The following ADAMTS18 variants were observed in gnomAD, a reference collection of about 807,000 sequenced individuals.
ADAMTS18 encodes ADAM metallopeptidase with thrombospondin type 1 motif 18.
Under a neutral mutation model 165.9 loss-of-function variants are expected in ADAMTS18, and 157 were observed. That is an observed-to-expected ratio of 0.95 (90% CI 0.83 to 1.08). ADAMTS18 has a LOEUF of 1.08. Among genes scored for constraint, ADAMTS18 ranks in the 50% least tolerant of loss-of-function variants. ADAMTS18 has a pLI of 0.00. For synonymous variants in ADAMTS18, 782 were observed against 578.2 expected, an observed-to-expected ratio of 1.35 and a Z score of -5.06; for missense variants, 2,040 against 1,534.0, an observed-to-expected ratio of 1.33 and a Z score of -5.51.
At chr16:77,326,150 A>G (rs1312593446) in intron 12 of ADAMTS18, 112 bp from the exon 13 acceptor site, 1 of 1,000,500 alleles carries the variant, frequency 1.0e-6, no homozygotes, top group Non-Finnish European at 1.5e-6. Flanking sequence ...AGTGTATGCA[A>G]AGGCATACAG....
intron 12 of ADAMTS18, among the ~76,000 whole-genome samples, chr16:77,333,141 C>T (rs1425538158): frequency 2.0e-5 from 3 of 152,108 alleles, no homozygotes; most frequent in Admixed American, 6.6e-5. Flanking sequence ...ATCACAGTCC[C>T]GTAGAGAATG....
chr16:77,343,424 G>T (rs1406400739), intron 10 of ADAMTS18, among the ~76,000 whole-genome samples: 1 of 152,204 alleles, frequency 6.6e-6, no homozygotes, highest in Non-Finnish European at 1.5e-5. Context: ...GATAATAAAT[G>T]TGTGTTGCCT....
chr16:77,379,760 G>C (rs897728548), intron 3 of ADAMTS18, among the ~76,000 whole-genome samples: 2 of 152,134 alleles, frequency 1.3e-5, no homozygotes, highest in Non-Finnish European at 2.9e-5. Flanking sequence ...CAAAGTACTG[G>C]CATTAAAGGT....
chr16:77,328,574 T>C (rs558741007), intron 12 of ADAMTS18, among the ~76,000 whole-genome samples: 3 of 152,310 alleles, frequency 2.0e-5, no homozygotes, highest in South Asian at 2.1e-4. Context: ...GCTGCAGCCA[T>C]TGTGATAAAT....
chr16:77,292,285 C>A (rs1033446980), intron 20 of ADAMTS18, among the ~76,000 whole-genome samples: 1 of 152,142 alleles, frequency 6.6e-6, no homozygotes, highest in African/African-American at 2.4e-5. Context: ...CAGAGCAAGA[C>A]CCTGTCTCAA....
intron 12 of ADAMTS18, among the ~76,000 whole-genome samples, chr16:77,333,915 AT>A (rs2056233333): frequency 2.8e-5 from 4 of 145,074 alleles, no homozygotes; most frequent in African/African-American, 1.0e-4. Flanking sequence ...ATAGTGTCCT[AT>A]ATACTAAATA....
At chr16:77,295,266 C>G (rs973629538) in intron 18 of ADAMTS18, 139 bp from the exon 19 acceptor site, 8 of 864,898 alleles carry the variant, frequency 9.2e-6, no homozygotes, top group African/African-American at 6.6e-5. Flanking sequence ...TCTAATTGTT[C>G]TTTGAGGGAT....
intron 3 of ADAMTS18, among the ~76,000 whole-genome samples, chr16:77,423,143 C>G (rs1291481491): frequency 1.3e-5 from 2 of 152,192 alleles, no homozygotes; most frequent in Non-Finnish European, 2.9e-5. Flanking sequence ...AAAAAATATC[C>G]TACACCTCAG....
intron 9 of ADAMTS18, among the ~76,000 whole-genome samples, chr16:77,355,230 G>GTGTGTGTGTGTA (rs2056611870): frequency 6.6e-6 from 1 of 151,544 alleles, no homozygotes; most frequent in Non-Finnish European, 1.5e-5. Context: ...GTGTGTGTGT[G>GTGTGTGTGTGTA]TGTATTTCAA....
rs373705923 is a variant in ADAMTS18 at position 77,282,941 on chromosome 16, C to G, written c.*1015G>C. Reference sequence around the variant, plus strand: ...TTTTTTTTTTTGCTGTTAGCTCAATCCTAGGGCAAATTTAAACGTATCAGT... The same window carrying G: ...TTTTTTTTTTTGCTGTTAGCTCAATGCTAGGGCAAATTTAAACGTATCAGT... On this transcript the variant is annotated 3_prime_UTR_variant, in exon 23 of 23. Coordinates refer to ENST00000282849, the MANE Select transcript of ADAMTS18 (RefSeq NM_199355.4). 1.6e-4 allele frequency: 19 copies of G among 117,032 alleles called. No homozygotes were observed. In the East Asian group the frequency reaches 4.6e-3, roughly 28 times the overall value. The allele number at this position is 117,032 out of a possible 1,614,324, so 7.2% of individuals were successfully genotyped here.
intron 2 of ADAMTS18, among the ~76,000 whole-genome samples, chr16:77,432,020 C>T (rs1055215262): frequency 2.0e-5 from 3 of 152,076 alleles, no homozygotes; most frequent in South Asian, 4.1e-4. Context: ...ACTACAAAAT[C>T]GGGAAATTTC....
chr16:77,343,070 C>CTT (rs1241991363), intron 10 of ADAMTS18, among the ~76,000 whole-genome samples: 1 of 135,302 alleles, frequency 7.4e-6, no homozygotes, highest in East Asian at 2.7e-4. Context: ...TTAGACCTTA[C>CTT]TTTCTTTTTT....
chr16:77,354,770 T>C (rs1325665214), intron 9 of ADAMTS18, among the ~76,000 whole-genome samples: 1 of 152,246 alleles, frequency 6.6e-6, no homozygotes, highest in African/African-American at 2.4e-5. Flanking sequence ...GCTGCTGTTA[T>C]CATTATTATA....
At chr16:77,433,142 G>A (rs1441415828) in intron 2 of ADAMTS18, among the ~76,000 whole-genome samples, 1 of 152,160 alleles carries the variant, frequency 6.6e-6, no homozygotes, top group Non-Finnish European at 1.5e-5. Context: ...TCTTGATTAT[G>A]TGCAATTTCT....
At chr16:77,346,237 T>C (rs1321098554) in intron 10 of ADAMTS18, among the ~76,000 whole-genome samples, 3 of 152,220 alleles carry the variant, frequency 2.0e-5, no homozygotes, top group Admixed American at 6.5e-5. Context: ...TGGCTTCATT[T>C]ACAACATCAT....
chr16:77,293,041 A>T, intron 20 of ADAMTS18, 35 bp downstream of exon 20: 3 of 1,613,224 alleles, frequency 1.9e-6, no homozygotes, highest in Non-Finnish European at 2.5e-6. Context: ...GGATGGTCTC[A>T]ATCTCCTGAC....
intron 22 of ADAMTS18, among the ~76,000 whole-genome samples, chr16:77,284,534 T>A (rs962795418): frequency 5.3e-5 from 8 of 152,152 alleles, no homozygotes; most frequent in African/African-American, 1.4e-4. Context: ...TGTGCCTCTA[T>A]GTGGTTTTTC....
At chr16:77,385,927 A>G (rs1474102315) in intron 3 of ADAMTS18, among the ~76,000 whole-genome samples, 2 of 152,214 alleles carry the variant, frequency 1.3e-5, no homozygotes, top group Non-Finnish European at 2.9e-5. Flanking sequence ...CATCCCCCTG[A>G]TTTTACAGAG....
chr16:77,413,513 C>G (rs1310306818), intron 3 of ADAMTS18, among the ~76,000 whole-genome samples: 2 of 152,084 alleles, frequency 1.3e-5, no homozygotes, highest in South Asian at 4.1e-4. Flanking sequence ...TAAATGTGAC[C>G]TCAAGTCAGA....
Sources: gnomAD v4.1 joint callset for allele counts (sites outside exome capture counted in the v4.1 genomes callset) on GRCh38, gnomAD v4.1.1 for gene constraint, MANE v1.5 for transcripts, NCBI Gene and HGNC (gene_info 2026-07-23, HGNC 2026-07-21) for gene names.